The following BBS9 variants were observed in gnomAD, a reference collection of about 807,000 sequenced individuals.
The protein encoded by BBS9 is Bardet-Biedl syndrome 9.
Under a neutral mutation model 117.7 loss-of-function variants are expected in BBS9, and 89 were observed. That is an observed-to-expected ratio of 0.76 (90% CI 0.64 to 0.90). BBS9 has a LOEUF of 0.90. BBS9 is among the 40% of genes least tolerant of loss of function. The pLI is 0.00. For missense variants in BBS9, 982 were observed against 1,042.2 expected, an observed-to-expected ratio of 0.94 and a Z score of 0.80; for synonymous variants, 379 against 370.9, an observed-to-expected ratio of 1.02 and a Z score of -0.25.
chr7:33,304,428 C>T (rs562701615), intron 9 of BBS9, among the ~76,000 whole-genome samples: 15 of 151,532 alleles, frequency 9.9e-5, no homozygotes, highest in South Asian at 6.3e-4. Flanking sequence ...GCCGCCACCC[C>T]GCCTAGGAAT....
intron 19 of BBS9, among the ~76,000 whole-genome samples, chr7:33,464,250 G>A (rs1839867335): frequency 6.6e-6 from 1 of 151,960 alleles, no homozygotes; most frequent in Non-Finnish European, 1.5e-5. Flanking sequence ...TGAGCCTTAC[G>A]AAAATGAGGG....
At chr7:33,479,672 A>G (rs1254618549) in intron 19 of BBS9, among the ~76,000 whole-genome samples, 1 of 152,174 alleles carries the variant, frequency 6.6e-6, no homozygotes, top group East Asian at 1.9e-4. Context: ...GTTCTTTGAG[A>G]AATCTCCAAA....
intron 21 of BBS9, among the ~76,000 whole-genome samples, chr7:33,611,824 ATAT>A (rs1219811242): frequency 2.9e-5 from 4 of 137,598 alleles, no homozygotes; most frequent in African/African-American, 1.1e-4. Context: ...CTTATATATA[ATAT>A]TATTATATAA....
intron 19 of BBS9, among the ~76,000 whole-genome samples, chr7:33,414,624 A>T (rs993815347): frequency 1.3e-5 from 2 of 152,182 alleles, no homozygotes; most frequent in Non-Finnish European, 2.9e-5. Context: ...ATGTCATTAT[A>T]AATATTATAA....
At chr7:33,184,650 T>C (rs952600832) in intron 5 of BBS9, among the ~76,000 whole-genome samples, 2 of 152,180 alleles carry the variant, frequency 1.3e-5, no homozygotes, top group African/African-American at 4.8e-5. Flanking sequence ...GCCAATGGGT[T>C]CTGCATTCTG....
chr7:33,248,727 C>G (rs552416367), intron 5 of BBS9, among the ~76,000 whole-genome samples: 1 of 152,124 alleles, frequency 6.6e-6, no homozygotes, highest in African/African-American at 2.4e-5. Flanking sequence ...CTTTCTGTAA[C>G]AATAACAAAT....
At chr7:33,243,429 T>C (rs1443559578) in intron 5 of BBS9, among the ~76,000 whole-genome samples, 1 of 152,210 alleles carries the variant, frequency 6.6e-6, no homozygotes, top group Admixed American at 6.5e-5. Flanking sequence ...TGATAGAGAA[T>C]AGTAAAAGCC....
At chr7:33,595,355 C>T (rs1270491122) in intron 21 of BBS9, among the ~76,000 whole-genome samples, 1 of 152,010 alleles carries the variant, frequency 6.6e-6, no homozygotes, top group African/African-American at 2.4e-5. Context: ...AAAGAAACAA[C>T]CCCATCAAAA....
chr7:33,349,696 A>G (rs1432306952), intron 13 of BBS9, among the ~76,000 whole-genome samples: 2 of 152,154 alleles, frequency 1.3e-5, no homozygotes, highest in African/African-American at 4.8e-5. Flanking sequence ...CTCCCAGAGT[A>G]CTAAGATTAC....
chr7:33,280,421 C>G (rs997484678), intron 9 of BBS9, among the ~76,000 whole-genome samples: 3 of 151,858 alleles, frequency 2.0e-5, no homozygotes, highest in African/African-American at 7.3e-5. Flanking sequence ...TTTCATTGAT[C>G]TAATATTGTT....
intron 4 of BBS9, among the ~76,000 whole-genome samples, chr7:33,170,719 A>C (rs1485080713): frequency 8.8e-5 from 13 of 148,386 alleles, no homozygotes; most frequent in African/African-American, 1.2e-4. Context: ...GTCTCAGCCC[A>C]AAATCTCCTT....
intron 9 of BBS9, among the ~76,000 whole-genome samples, chr7:33,315,480 C>T (rs775845573): frequency 1.3e-5 from 2 of 152,104 alleles, no homozygotes; most frequent in African/African-American, 4.8e-5. Flanking sequence ...ATTCAAGGAG[C>T]GGAGGAATAA....
intron 19 of BBS9, among the ~76,000 whole-genome samples, chr7:33,401,281 T>TC (rs1283120868): frequency 6.6e-6 from 1 of 152,226 alleles, no homozygotes. Context: ...ACCATTTCCC[T>TC]CCATCTTTTT....
chr7:33,467,363 C>A (rs1215044632), intron 19 of BBS9, among the ~76,000 whole-genome samples: 1 of 152,122 alleles, frequency 6.6e-6, no homozygotes, highest in East Asian at 1.9e-4. Context: ...CATTAGAGAT[C>A]CCAGACCCTG....
Position 33,418,998 on chromosome 7 carries a change from T to A in BBS9, c.2115+30854T>A, listed in dbSNP as rs915228560. On this transcript the variant is annotated intron_variant, in intron 19 of 22. Coordinates refer to ENST00000242067, the MANE Select transcript of BBS9 (RefSeq NM_198428.3). ...TTTATTTTCTGCTCCCTGTAGCACTTAGCAAAATCCCATTATGCAATTGGG... is the reference window on the plus strand; with the variant it reads ...TTTATTTTCTGCTCCCTGTAGCACTAAGCAAAATCCCATTATGCAATTGGG... Among the ~76,000 whole-genome samples, 3 of 152,200 alleles carry A rather than the reference T, an allele frequency of 2.0e-5. No homozygotes were observed. The South Asian group carries it at 6.2e-4, about 32-fold the overall frequency.
intron 19 of BBS9, among the ~76,000 whole-genome samples, chr7:33,427,566 T>C (rs1202641875): frequency 6.6e-6 from 1 of 152,238 alleles, no homozygotes; most frequent in African/African-American, 2.4e-5. Context: ...TTTTTCCAGG[T>C]GTAGAATTTG....
intron 5 of BBS9, among the ~76,000 whole-genome samples, chr7:33,185,156 G>A (rs1270037334): frequency 6.6e-6 from 1 of 152,132 alleles, no homozygotes; most frequent in East Asian, 1.9e-4. Flanking sequence ...TGGTTTTGGT[G>A]GGTTTTGGCT....
At chr7:33,464,470 A>G (rs1839895779) in intron 19 of BBS9, among the ~76,000 whole-genome samples, 1 of 152,080 alleles carries the variant, frequency 6.6e-6, no homozygotes, top group Admixed American at 6.6e-5. Context: ...TTATGTAAAG[A>G]CTTTTGGGGA....
Position 33,420,733 on chromosome 7 carries a change from C to G in BBS9, c.2115+32589C>G, listed in dbSNP as rs570054639. Among the ~76,000 whole-genome samples, 5 of 152,202 alleles carry G rather than the reference C, an allele frequency of 3.3e-5. No individual in the cohort carries two copies. The East Asian group carries it at 9.7e-4, about 29-fold the overall frequency. ...GAGAGATTTATGCAGATTATAAAGT[C>G]AAAAGAAGCGGTCATTCCAGACTTT... On this transcript the variant is annotated intron_variant, in intron 19 of 22. Coordinates refer to ENST00000242067, the MANE Select transcript of BBS9 (RefSeq NM_198428.3).
Sources: gnomAD v4.1 joint callset for allele counts (sites outside exome capture counted in the v4.1 genomes callset) on GRCh38, gnomAD v4.1.1 for gene constraint, MANE v1.5 for transcripts, NCBI Gene and HGNC (gene_info 2026-07-23, HGNC 2026-07-21) for gene names.